The following ARSB variants were observed in gnomAD, a reference collection of about 807,000 sequenced individuals.
ARSB encodes arylsulfatase B, also known as N-acetylgalactosamine-4-sulfatase.
ARSB carries 41 observed loss-of-function variants against 50.9 expected under a neutral mutation model. That is an observed-to-expected ratio of 0.81 (90% CI 0.63 to 1.04). The LOEUF (loss-of-function observed/expected upper bound fraction) is 1.04, where lower values mean the gene tolerates loss of function less well. Ranked by LOEUF, ARSB falls within the 50% of genes least tolerant of loss-of-function variation. The pLI is 0.00. For missense variants in ARSB, 672 were observed against 693.3 expected, an observed-to-expected ratio of 0.97 and a Z score of 0.35; for synonymous variants, 269 against 284.8, an observed-to-expected ratio of 0.94 and a Z score of 0.56.
At chr5:78,921,369 C>T (rs891495204) in intron 4 of ARSB, among the ~76,000 whole-genome samples, 13 of 148,942 alleles carry the variant, frequency 8.7e-5, no homozygotes, top group African/African-American at 2.0e-4. Flanking sequence ...ACAGACTGTG[C>T]GTGTGTGTGT....
chr5:78,942,657 A>G (rs545583613), intron 4 of ARSB, among the ~76,000 whole-genome samples: 32 of 152,322 alleles, frequency 2.1e-4, no homozygotes, highest in African/African-American at 6.7e-4. Flanking sequence ...ACAGTTTGCT[A>G]TAATTTCTGT....
intron 4 of ARSB, among the ~76,000 whole-genome samples, chr5:78,947,722 G>A (rs1245311022): frequency 1.3e-5 from 2 of 152,160 alleles, no homozygotes; most frequent in Non-Finnish European, 2.9e-5. Flanking sequence ...AGAACAGTTT[G>A]GAGGTTCCTC....
At chr5:78,942,761 T>C (rs1403730363) in intron 4 of ARSB, among the ~76,000 whole-genome samples, 1 of 152,178 alleles carries the variant, frequency 6.6e-6, no homozygotes, top group African/African-American at 2.4e-5. Context: ...ATTCTGTTGA[T>C]TTGGGGTGGA....
chr5:78,790,784 A>C (rs1749214586), intron 6 of ARSB, among the ~76,000 whole-genome samples: 1 of 152,204 alleles, frequency 6.6e-6, no homozygotes. Flanking sequence ...GGAGGAAAGG[A>C]GGCAAAAATC....
chr5:78,932,931 C>T (rs1038858720), intron 4 of ARSB, among the ~76,000 whole-genome samples: 9 of 152,350 alleles, frequency 5.9e-5, no homozygotes, highest in Non-Finnish European at 1.3e-4. Context: ...TCTTCTCACA[C>T]AACTCCACTC....
chr5:78,971,618 C>T (rs1172076696), intron 1 of ARSB, among the ~76,000 whole-genome samples: 1 of 152,138 alleles, frequency 6.6e-6, no homozygotes, highest in East Asian at 1.9e-4. Context: ...GCTTTGTAAC[C>T]CCGGGCAGTA....
intron 5 of ARSB, among the ~76,000 whole-genome samples, chr5:78,868,938 C>T (rs1746964476): frequency 6.6e-6 from 1 of 151,728 alleles, no homozygotes; most frequent in Non-Finnish European, 1.5e-5. Flanking sequence ...CAGAGACACA[C>T]ATAGGCTCAA....
At chr5:78,808,090 CTCAAAA>C (rs1580988871) in intron 6 of ARSB, among the ~76,000 whole-genome samples, 1 of 53,332 alleles carries the variant, frequency 1.9e-5, no homozygotes, top group African/African-American at 8.9e-5. Context: ...GAGACTCCGT[CTCAAAA>C]AAAAAAAAAA....
chr5:78,885,907 T>C, intron 4 of ARSB, 80 bp from the exon 5 acceptor site: 1 of 1,603,756 alleles, frequency 6.2e-7, no homozygotes, highest in South Asian at 1.1e-5. Flanking sequence ...ATGTACATTG[T>C]TACTAAATGG....
At chr5:78,794,246 C>T (rs776850244) in intron 6 of ARSB, among the ~76,000 whole-genome samples, 3 of 151,902 alleles carry the variant, frequency 2.0e-5, no homozygotes, top group South Asian at 2.1e-4. Flanking sequence ...CCTGGGCTTG[C>T]GGCTCTGTTA....
intron 4 of ARSB, among the ~76,000 whole-genome samples, chr5:78,914,013 A>G (rs1387274731): frequency 6.7e-6 from 1 of 148,154 alleles, no homozygotes; most frequent in Non-Finnish European, 1.5e-5. Flanking sequence ...CCCAGGCAGG[A>G]GTGCGGTGGT....
chr5:78,836,839 G>C (rs544784313), intron 6 of ARSB, among the ~76,000 whole-genome samples: 19 of 152,270 alleles, frequency 1.2e-4, no homozygotes, highest in Non-Finnish European at 2.4e-4. Flanking sequence ...GGCTGTACAG[G>C]AATCATGGCT....
At chr5:78,871,469 T>C (rs375286478) in intron 5 of ARSB, among the ~76,000 whole-genome samples, 19,497 of 148,974 alleles carry the variant, frequency 0.13, 1,384 homozygotes, top group Middle Eastern at 0.21. Context: ...AAAACAGAGA[T>C]ATAGATCAAT....
At chr5:78,846,973 G>A (rs1402449400) in intron 5 of ARSB, among the ~76,000 whole-genome samples, 1 of 152,054 alleles carries the variant, frequency 6.6e-6, no homozygotes, top group Non-Finnish European at 1.5e-5. Context: ...ATGTTGAATT[G>A]TATCAAATCC....
chr5:78,848,780 T>C (rs1745588150), intron 5 of ARSB, among the ~76,000 whole-genome samples: 1 of 152,248 alleles, frequency 6.6e-6, no homozygotes, highest in South Asian at 2.1e-4. Flanking sequence ...TGTGAGACGG[T>C]ATCTCATTGT....
intron 5 of ARSB, among the ~76,000 whole-genome samples, chr5:78,871,539 A>T (rs1031719554): frequency 3.3e-5 from 5 of 150,072 alleles, no homozygotes; most frequent in African/African-American, 9.7e-5. Flanking sequence ...GATCTTTGAC[A>T]AACCTGAGAA....
At chr5:78,982,951 T>C (rs1339359611) in intron 1 of ARSB, among the ~76,000 whole-genome samples, 1 of 152,170 alleles carries the variant, frequency 6.6e-6, no homozygotes, top group Non-Finnish European at 1.5e-5. Context: ...TTCATAACCA[T>C]GGGGTACTCT....
chr5:78,792,624 T>C (rs777412203), intron 6 of ARSB, among the ~76,000 whole-genome samples: 10 of 152,106 alleles, frequency 6.6e-5, no homozygotes, highest in Admixed American at 2.0e-4. Flanking sequence ...ACTACCTAAA[T>C]AGAATGAGTG....
At chr5:78,783,888 G>A (rs570619439) in intron 6 of ARSB, among the ~76,000 whole-genome samples, 25 of 151,974 alleles carry the variant, frequency 1.6e-4, no homozygotes, top group South Asian at 6.2e-4. Flanking sequence ...TGACTTTATT[G>A]TTTTCATTTT....
Sources: gnomAD v4.1 joint callset for allele counts (sites outside exome capture counted in the v4.1 genomes callset) on GRCh38, gnomAD v4.1.1 for gene constraint, MANE v1.5 for transcripts, NCBI Gene and HGNC (gene_info 2026-07-23, HGNC 2026-07-21) for gene names.